Variants in FUT9 observed in about 807,000 individuals in gnomAD.
The protein encoded by FUT9 is fucosyltransferase 9.
A neutral mutation model predicts 29.7 loss-of-function variants in FUT9; 15 were observed. That is an observed-to-expected ratio of 0.51 (90% CI 0.34 to 0.78). The LOEUF (loss-of-function observed/expected upper bound fraction) is 0.78, where lower values mean the gene tolerates loss of function less well. Among genes scored for constraint, FUT9 ranks in the 30% least tolerant of loss-of-function variants. The pLI, the probability that FUT9 is intolerant of heterozygous loss-of-function variation, is 0.01. For missense variants in FUT9, 319 were observed against 425.4 expected (o/e 0.75, Z 2.20); for synonymous variants, 169 against 153.7 (o/e 1.10, Z -0.74).
intron 1 of FUT9, among the ~76,000 whole-genome samples, chr6:96,065,325 A>G (rs971283599): frequency 1.3e-5 from 2 of 152,112 alleles, no homozygotes; most frequent in South Asian, 4.2e-4. Flanking sequence ...CATACAAACA[A>G]TGCTCTCTTA....
At chr6:96,200,997 T>C (rs1438512788) in intron 2 of FUT9, among the ~76,000 whole-genome samples, 3 of 151,998 alleles carry the variant, frequency 2.0e-5, no homozygotes, top group African/African-American at 7.2e-5. Context: ...TTAAACAAAG[T>C]CATATCTTGC....
chr6:96,034,707 A>T lies in FUT9; in HGVS notation c.-98+18495A>T, dbSNP rs143397130. 1.7e-3 allele frequency among the ~76,000 whole-genome samples: 257 copies of T among 151,772 alleles called. No homozygotes were observed. In the East Asian group the frequency reaches 0.034, roughly 20 times the overall value. ...ATGTGCTTAGAAGACCACCACCTAC[A>T]TCCTTATACCCTAAATTATGCCTCT... On this transcript the variant is annotated intron_variant, in intron 1 of 2. Coordinates refer to ENST00000302103, the MANE Select transcript of FUT9 (RefSeq NM_006581.4).
intron 2 of FUT9, among the ~76,000 whole-genome samples, chr6:96,128,907 T>C (rs1316241529): frequency 6.6e-6 from 1 of 151,936 alleles, no homozygotes; most frequent in Non-Finnish European, 1.5e-5. Flanking sequence ...GAAGGATCTC[T>C]TGAGCCCAGG....
chr6:96,165,592 G>A (rs183896188), intron 2 of FUT9, among the ~76,000 whole-genome samples: 2 of 151,470 alleles, frequency 1.3e-5, no homozygotes, highest in East Asian at 1.9e-4. Context: ...AGCCAAACTT[G>A]GATTTTCTGC....
chr6:96,204,461 G>C lies in FUT9; in HGVS notation c.*226G>C. On this transcript the variant is annotated 3_prime_UTR_variant, in exon 3 of 3. Coordinates refer to ENST00000302103, the MANE Select transcript of FUT9 (RefSeq NM_006581.4). ...TATACCTAATTATGTGCACTGGAGA[G>C]TAATTTATTCTTCATTATCATTTGT... is the stretch of plus-strand genomic sequence containing the variant. 1 of 319,214 alleles carries C rather than the reference G, an allele frequency of 3.1e-6. No individual in the cohort carries two copies. Among genetic ancestry groups the C allele is most frequent in the Non-Finnish European group, 6.0e-6 (1 of 166,920 alleles). The allele number at this position is 319,214 out of a possible 1,614,324, so 19.8% of individuals were successfully genotyped here. A position where few individuals can be genotyped will look rare whatever the true frequency, so the allele number is the denominator to read the frequency against.
At chr6:96,029,644 A>C (rs1464837771) in intron 1 of FUT9, among the ~76,000 whole-genome samples, 1 of 151,608 alleles carries the variant, frequency 6.6e-6, no homozygotes, top group East Asian at 1.9e-4. Context: ...GATATTTGAC[A>C]TTTAATTGAC....
chr6:96,115,343 T>C (rs1771890456), intron 2 of FUT9, among the ~76,000 whole-genome samples: 1 of 152,212 alleles, frequency 6.6e-6, no homozygotes, highest in Non-Finnish European at 1.5e-5. Context: ...CAATTTGCAT[T>C]CTTTTTTTCT....
chr6:96,043,179 G>A (rs1770496429), intron 1 of FUT9, among the ~76,000 whole-genome samples: 3 of 152,134 alleles, frequency 2.0e-5, no homozygotes, highest in Admixed American at 2.0e-4. Flanking sequence ...AGCCTCCCGA[G>A]TAGCTGGGAC....
intron 1 of FUT9, among the ~76,000 whole-genome samples, chr6:96,024,991 C>A: frequency 6.6e-6 from 1 of 151,776 alleles, no homozygotes. Context: ...CTAAGGTTGG[C>A]ACGAAGGCGA....
chr6:96,157,521 A>T (rs189487665), intron 2 of FUT9, among the ~76,000 whole-genome samples: 19 of 152,308 alleles, frequency 1.2e-4, no homozygotes, highest in Admixed American at 7.8e-4. Context: ...AGTTATAAAG[A>T]AAGTTCCAGT....
At chr6:96,164,907 TGGC>T (rs1267482653) in intron 2 of FUT9, among the ~76,000 whole-genome samples, 4 of 152,226 alleles carry the variant, frequency 2.6e-5, no homozygotes, top group African/African-American at 9.6e-5. Flanking sequence ...TAGCCATGTA[TGGC>T]TAGTGGTTTC....
chr6:96,156,298 G>C (rs987529474), intron 2 of FUT9, among the ~76,000 whole-genome samples: 6 of 152,238 alleles, frequency 3.9e-5, no homozygotes, highest in African/African-American at 1.4e-4. Flanking sequence ...TCCCCTTGGA[G>C]CCTTTGGTTC....
intron 1 of FUT9, among the ~76,000 whole-genome samples, chr6:96,056,924 T>C (rs984642928): frequency 6.6e-6 from 1 of 152,182 alleles, no homozygotes; most frequent in African/African-American, 2.4e-5. Context: ...GAAACCGTAC[T>C]GCAAGTACCC....
rs1198483603 is a variant in FUT9, at chr6:96,209,421, CTA to C, written c.*5188_*5189del. Reference sequence around the variant, plus strand: ...GTATTTCCTCCCTCCCCTTAGTTGTCTATGACTTTTGAACTCACTGCTCACTG... The same window carrying C: ...GTATTTCCTCCCTCCCCTTAGTTGTCTGACTTTTGAACTCACTGCTCACTG... On this transcript the variant is annotated 3_prime_UTR_variant, in exon 3 of 3. Transcript: ENST00000302103. The C allele has an allele frequency of 2.4e-5, 4 of 166,854 alleles. No homozygotes were observed. The highest frequency in any genetic ancestry group is 2.9e-5 in the Non-Finnish European group (2 of 68,038). 10.3% of individuals were successfully genotyped at this position (166,854 alleles called of 1,614,324 possible).
intron 2 of FUT9, among the ~76,000 whole-genome samples, chr6:96,187,985 A>C (rs1475352394): frequency 1.3e-5 from 2 of 152,056 alleles, no homozygotes; most frequent in African/African-American, 4.8e-5. Context: ...ATGTTCCTTG[A>C]ATTTCTTCAT....
chr6:96,073,864 A>C (rs1361986953), intron 1 of FUT9, among the ~76,000 whole-genome samples: 1 of 152,220 alleles, frequency 6.6e-6, no homozygotes, highest in East Asian at 1.9e-4. Context: ...TGTGGAATGA[A>C]GAAAGACTCA....
In FUT9 at chr6:96,207,519, G is replaced by A. The variant is rs542378605; in HGVS notation, c.*3284G>A. Reference sequence around the variant, plus strand: ...TTTTAGGAGTTGAGTTCAGCAGAAGGAAATGGGCTATCACTACATTTAAGT... The same window carrying A: ...TTTTAGGAGTTGAGTTCAGCAGAAGAAAATGGGCTATCACTACATTTAAGT... On this transcript the variant is annotated 3_prime_UTR_variant, in exon 3 of 3. Transcript: ENST00000302103. 1.8e-5 allele frequency: 3 copies of A among 166,968 alleles called. No homozygotes were observed. The highest frequency in any genetic ancestry group is 2.9e-5 in the Non-Finnish European group (2 of 68,068). The allele number at this position is 166,968 out of a possible 1,614,324, so 10.3% of individuals were successfully genotyped here. A position where few individuals can be genotyped will look rare whatever the true frequency, so the allele number is the denominator to read the frequency against.
chr6:96,110,556 G>C (rs1291389973), intron 1 of FUT9, among the ~76,000 whole-genome samples: 1 of 152,104 alleles, frequency 6.6e-6, no homozygotes, highest in Non-Finnish European at 1.5e-5. Context: ...GATTGGCCTC[G>C]ACAAGCTGGG....
At chr6:96,029,923 A>T (rs931487750) in intron 1 of FUT9, among the ~76,000 whole-genome samples, 1 of 151,648 alleles carries the variant, frequency 6.6e-6, no homozygotes, top group Non-Finnish European at 1.5e-5. Flanking sequence ...ATTCTGCAAT[A>T]AGTGGATAAA....
Sources: gnomAD v4.1 joint callset for allele counts (sites outside exome capture counted in the v4.1 genomes callset) on GRCh38, gnomAD v4.1.1 for gene constraint, MANE v1.5 for transcripts, NCBI Gene and HGNC (gene_info 2026-07-23, HGNC 2026-07-21) for gene names.